Variants in FAM133B observed in about 807,000 individuals in gnomAD.
The protein encoded by FAM133B is protein FAM133B.
FAM133B carries 25 observed loss-of-function variants against 46.4 expected under a neutral mutation model. That is an observed-to-expected ratio of 0.54 (90% CI 0.39 to 0.75). The LOEUF is 0.75. Among genes scored for constraint, FAM133B ranks in the 30% least tolerant of loss-of-function variants. The probability of loss-of-function intolerance (pLI) is 0.00; values close to 1 mark genes in which losing one functional copy is unlikely to be tolerated. For synonymous variants in FAM133B, 75 were observed against 86.0 expected (o/e 0.87, Z 0.71); for missense variants, 205 against 277.6 (o/e 0.74, Z 1.86).
chr7:92,563,661 T>C (rs1359844275), intron 10 of FAM133B, among the ~76,000 whole-genome samples: 1 of 152,224 alleles, frequency 6.6e-6, no homozygotes, highest in Non-Finnish European at 1.5e-5. Flanking sequence ...TTAACAGCTC[T>C]ACCTGGGATG....
chr7:92,578,375 C>T lies in FAM133B; in HGVS notation c.220G>A (p.Glu74Lys). 1.2e-6 allele frequency: 2 copies of T among 1,613,204 alleles called. No individual in the cohort carries two copies. Among genetic ancestry groups the T allele is most frequent in the Non-Finnish European group, 8.5e-7 (1 of 1,179,584 alleles). ...CTTAACAATTTCTCCCTGTGTTTTT[C>T]CAGTTCTTTCTTCCAGTTCTGCAAA... ...KMNENWKKEL[E>K]KHREKLLSGS... Residue 74 changes from glutamate to lysine, a missense_variant, in exon 4 of 11, where the codon GAA becomes AAA. Physicochemically the swap from Glu to Lys is moderately conservative, Grantham distance 56. Coordinates refer to ENST00000445716, the MANE Select transcript of FAM133B (RefSeq NM_152789.4).
At chr7:92,590,146 C>A (rs891394674) in intron 1 of FAM133B, 122 bp downstream of exon 1, 2 of 1,483,668 alleles carry the variant, frequency 1.3e-6, no homozygotes, top group South Asian at 1.2e-5. Context: ...GGTGCTGGGT[C>A]TCCAGGCCCC....
chr7:92,567,737 T>A (rs77452603), intron 9 of FAM133B, among the ~76,000 whole-genome samples: 9,689 of 152,262 alleles, frequency 0.064, 396 homozygotes, highest in Non-Finnish European at 0.087. Context: ...TAAACATTCA[T>A]GTGATGAATC....
chr7:92,573,777 T>C (rs1443599887), intron 8 of FAM133B, among the ~76,000 whole-genome samples: 1 of 152,124 alleles, frequency 6.6e-6, no homozygotes, highest in Non-Finnish European at 1.5e-5. Context: ...ATATGGTTTC[T>C]TTCCTTGATC....
chr7:92,580,257 A>C (rs1049002531), intron 2 of FAM133B, among the ~76,000 whole-genome samples: 8 of 151,554 alleles, frequency 5.3e-5, no homozygotes, highest in East Asian at 3.9e-4. Flanking sequence ...AAAAAAAAAA[A>C]AACACATAAA....
Position 92,566,039 on chromosome 7 carries a change from CT to C in FAM133B, c.631del (p.Ser211AlafsTer59). ...IEEVRAKKKK[S>X]SEEREKATEK... ...TGTTGCTTTTTCTCGTTCTTCACTG[CT>C]TTTCTTCTTTTTTGCTCGCACCTAG... On this transcript the variant is annotated frameshift_variant, in exon 10 of 11. Coordinates refer to ENST00000445716, the MANE Select transcript of FAM133B (RefSeq NM_152789.4). LOFTEE classifies it high-confidence loss of function. 6.2e-7 allele frequency: 1 copy of C among 1,613,786 alleles called. No homozygotes were observed. Among genetic ancestry groups the C allele is most frequent in the South Asian group, 1.1e-5 (1 of 91,080 alleles).
chr7:92,578,886 A>C (rs957668826), intron 3 of FAM133B, among the ~76,000 whole-genome samples: 8 of 152,084 alleles, frequency 5.3e-5, no homozygotes, highest in African/African-American at 4.8e-5. Flanking sequence ...TCTCTACTAA[A>C]GATAAAAAAA....
Position 92,590,298 on chromosome 7 carries a change from G to A in FAM133B, c.-7C>T, listed in dbSNP as rs982528021. On this transcript the variant is annotated 5_prime_UTR_variant, in exon 1 of 11. Transcript: ENST00000445716. ...GATTGTCCCGCTTCCCCATGGTGCTGGATCGAGCGCACAGTAGCACGCCGA... is the reference window on the plus strand; with the variant it reads ...GATTGTCCCGCTTCCCCATGGTGCTAGATCGAGCGCACAGTAGCACGCCGA... The A allele has an allele frequency of 6.2e-7, 1 of 1,613,838 alleles. No individual in the cohort carries two copies.
chr7:92,590,047 G>C (rs1158313363), intron 1 of FAM133B: 2 of 619,286 alleles, frequency 3.2e-6, no homozygotes, highest in African/African-American at 3.8e-5. Flanking sequence ...GACGAGGTGA[G>C]GGAAGAAAAA....
chr7:92,580,674 G>T (rs182371783), intron 2 of FAM133B, among the ~76,000 whole-genome samples: 68 of 152,174 alleles, frequency 4.5e-4, no homozygotes, highest in Non-Finnish European at 6.0e-4. Flanking sequence ...CCATGAGTAC[G>T]ACTATCTGCT....
chr7:92,561,177 G>T lies in FAM133B; in HGVS notation c.*1105C>A, dbSNP rs890326768. On this transcript the variant is annotated 3_prime_UTR_variant, in exon 11 of 11. Coordinates refer to ENST00000445716, the MANE Select transcript of FAM133B (RefSeq NM_152789.4). ...CAGGCTTGCCACTCAACTTGTTATT[G>T]TAAGTCTCAGCTTCAATATGAAGCC... 1.4e-5 allele frequency: 2 copies of T among 144,818 alleles called. No individual in the cohort carries two copies. The highest frequency in any genetic ancestry group is 1.4e-4 in the Admixed American group (2 of 14,326). 9.0% of individuals were successfully genotyped at this position (144,818 alleles called of 1,614,324 possible). A position where few individuals can be genotyped will look rare whatever the true frequency, so the allele number is the denominator to read the frequency against.
intron 6 of FAM133B, 21 bp downstream of exon 6, chr7:92,577,634 A>C: frequency 6.5e-7 from 1 of 1,541,586 alleles, no homozygotes; most frequent in Non-Finnish European, 8.8e-7. Flanking sequence ...TATTTCATGA[A>C]CCATTATAAG....
chr7:92,569,811 T>A lies in FAM133B; in HGVS notation c.609+12A>T, dbSNP rs1236025462. ...TTTAAAATAGAGAAAATGGATTTGATCATATACTTACCTCCTCAATATACT... is the reference window on the plus strand; with the variant it reads ...TTTAAAATAGAGAAAATGGATTTGAACATATACTTACCTCCTCAATATACT... On this transcript the variant is annotated intron_variant, in intron 9 of 10. Coordinates refer to ENST00000445716, the MANE Select transcript of FAM133B (RefSeq NM_152789.4). 1.5e-6 allele frequency: 2 copies of A among 1,309,204 alleles called. No individual in the cohort carries two copies. Among genetic ancestry groups the A allele is most frequent in the Middle Eastern group, 2.6e-4 (1 of 3,822 alleles). The allele number at this position is 1,309,204 out of a possible 1,614,324, so 81.1% of individuals were successfully genotyped here. A position where few individuals can be genotyped will look rare whatever the true frequency, so the allele number is the denominator to read the frequency against.
intron 1 of FAM133B, among the ~76,000 whole-genome samples, chr7:92,582,644 CA>C (rs1420107775): frequency 9.2e-5 from 14 of 151,628 alleles, no homozygotes; most frequent in African/African-American, 2.9e-4. Context: ...TTAACAACAA[CA>C]AAAAAACTCC....
chr7:92,573,110 A>AT (rs1261804548), intron 8 of FAM133B, among the ~76,000 whole-genome samples: 4 of 151,882 alleles, frequency 2.6e-5, no homozygotes, highest in Non-Finnish European at 4.4e-5. Flanking sequence ...TAGGAAAGAC[A>AT]TACACTAGTT....
rs764524261 is a variant in FAM133B, at chr7:92,564,927, C to T, written c.657+1087G>A. 3.2e-4 allele frequency among the ~76,000 whole-genome samples: 48 copies of T among 152,234 alleles called. 1 individual carries two copies. Among genetic ancestry groups the T allele is most frequent in the East Asian group, 1.3e-3 (7 of 5,186 alleles). ...AATTTGCATTAATAGCAGAGTTTGG[C>T]TTTAAAAGCTATCAAAAGAATCTTT... On this transcript the variant is annotated intron_variant, in intron 10 of 10. Transcript: ENST00000445716.
At chr7:92,564,982 T>C (rs899070800) in intron 10 of FAM133B, among the ~76,000 whole-genome samples, 22 of 152,126 alleles carry the variant, frequency 1.4e-4, no homozygotes, top group Non-Finnish European at 2.8e-4. Flanking sequence ...TGTCATATTA[T>C]TATTTTTTCA....
Position 92,582,897 on chromosome 7 carries a change from G to A in FAM133B, c.25-1294C>T, listed in dbSNP as rs1024118057. On this transcript the variant is annotated intron_variant, in intron 1 of 10. Coordinates refer to ENST00000445716, the MANE Select transcript of FAM133B (RefSeq NM_152789.4). ...CACATTGTTGGTGGGAATGTAAAAC[G>A]GTGTGGCCACTGTGGAAAACAGTTT... 2.6e-5 allele frequency among the ~76,000 whole-genome samples: 4 copies of A among 152,230 alleles called. No individual in the cohort carries two copies. In the East Asian group the frequency reaches 5.8e-4, roughly 22 times the overall value.
At chr7:92,577,511 C>A in intron 6 of FAM133B, 144 bp downstream of exon 6, 2 of 551,340 alleles carry the variant, frequency 3.6e-6, no homozygotes, top group South Asian at 9.2e-5. Flanking sequence ...AGTTACCACT[C>A]ACTCATGTTA....
Sources: allele counts gnomAD v4.1 joint callset (sites outside exome capture counted in the v4.1 genomes callset), GRCh38; gene constraint gnomAD v4.1.1; transcripts MANE v1.5; gene names NCBI Gene and HGNC (gene_info 2026-07-23, HGNC 2026-07-21).